The following CNGB3 variants were observed in gnomAD, a reference collection of about 807,000 sequenced individuals.
The protein encoded by CNGB3 is cyclic nucleotide gated channel subunit beta 3.
A neutral mutation model predicts 92.8 loss-of-function variants in CNGB3; 86 were observed. The observed-to-expected ratio is 0.93, with a 90% CI of 0.78 to 1.11. The LOEUF is 1.11. Among genes scored for constraint, CNGB3 ranks in the 50% least tolerant of loss-of-function variants. CNGB3 has a pLI of 0.00. For missense variants in CNGB3, 1,026 were observed against 956.8 expected (o/e 1.07, Z -0.95); for synonymous variants, 333 against 332.7 (o/e 1.00, Z -0.01).
intron 3 of CNGB3, among the ~76,000 whole-genome samples, chr8:86,698,911 C>G (rs551833067): frequency 3.3e-5 from 5 of 152,180 alleles, no homozygotes; most frequent in African/African-American, 1.2e-4. Context: ...GATCATCTGT[C>G]TCCTCCCTTC....
At chr8:86,641,460 G>C (rs1823185059) in intron 10 of CNGB3, among the ~76,000 whole-genome samples, 1 of 151,796 alleles carries the variant, frequency 6.6e-6, no homozygotes, top group East Asian at 1.9e-4. Context: ...ACCCTCTCTT[G>C]GGGTCTGGAT....
At chr8:86,597,994 ATAAAATAAAATAAAAT>A (rs1585959460) in intron 15 of CNGB3, among the ~76,000 whole-genome samples, 1 of 151,822 alleles carries the variant, frequency 6.6e-6, no homozygotes, top group African/African-American at 2.4e-5. Context: ...ATAAAATAAA[ATAAAATAAAATAAAAT>A]TAAAATAAAA....
intron 8 of CNGB3, among the ~76,000 whole-genome samples, chr8:86,646,277 G>T (rs987118778): frequency 6.6e-6 from 1 of 150,988 alleles, no homozygotes; most frequent in Non-Finnish European, 1.5e-5. Context: ...CACATTCCAT[G>T]GTCAAACCAG....
chr8:86,616,624 T>C (rs746698961), intron 13 of CNGB3, among the ~76,000 whole-genome samples: 1 of 152,172 alleles, frequency 6.6e-6, no homozygotes, highest in African/African-American at 2.4e-5. Flanking sequence ...TTTGTAAATG[T>C]CTCTTTTTTC....
rs1180640051 is a variant in CNGB3, at chr8:86,667,946, T to C, written c.643+73A>G. Reference sequence around the variant, plus strand: ...TGAAGTAAGGAAAATAGAAGCTATCTGTGACTTTGAGTCACAGGGTTTCTT... The same window carrying C: ...TGAAGTAAGGAAAATAGAAGCTATCCGTGACTTTGAGTCACAGGGTTTCTT... On this transcript the variant is annotated intron_variant, in intron 5 of 17. Transcript: ENST00000320005. The C allele has an allele frequency of 5.8e-5, 88 of 1,512,214 alleles. 1 individual carries two copies. Among genetic ancestry groups the C allele is most frequent in the Admixed American group, 3.5e-4 (21 of 59,816 alleles). 93.7% of individuals were successfully genotyped at this position (1,512,214 alleles called of 1,614,324 possible).
chr8:86,598,936 G>A (rs1470269606), intron 15 of CNGB3, among the ~76,000 whole-genome samples: 1 of 151,896 alleles, frequency 6.6e-6, no homozygotes, highest in Non-Finnish European at 1.5e-5. Flanking sequence ...ACTTATCTTT[G>A]TGGGAGACAC....
intron 6 of CNGB3, among the ~76,000 whole-genome samples, chr8:86,655,141 A>T (rs1450802415): frequency 6.6e-6 from 1 of 152,146 alleles, no homozygotes; most frequent in Non-Finnish European, 1.5e-5. Context: ...GCCCTGATAC[A>T]ACCAATAGCC....
intron 3 of CNGB3, among the ~76,000 whole-genome samples, chr8:86,718,044 G>A (rs1046341680): frequency 8.6e-5 from 13 of 152,000 alleles, no homozygotes; most frequent in African/African-American, 3.1e-4. Flanking sequence ...TAGCATTAAA[G>A]GCGTACATCA....
At chr8:86,657,877 G>A in intron 6 of CNGB3, 1 of 540,592 alleles carries the variant, frequency 1.8e-6, no homozygotes, top group Non-Finnish European at 3.7e-6. Context: ...TTTCCTGCGG[G>A]AGGACAGGGT....
At chr8:86,695,528 C>T (rs2119535) in intron 3 of CNGB3, among the ~76,000 whole-genome samples, 135,648 of 152,154 alleles carry the variant, frequency 0.89, 60,764 homozygotes, top group East Asian at 1. Context: ...CTTTTCTTTA[C>T]GATATCTATC....
Position 86,661,698 on chromosome 8 carries a change from C to G in CNGB3, c.852+5227G>C. 4 of 1,239,100 alleles carry G rather than the reference C, an allele frequency of 3.2e-6. No individual in the cohort carries two copies. The Admixed American group carries it at 5.3e-5, about 16-fold the overall frequency. 76.8% of individuals were successfully genotyped at this position (1,239,100 alleles called of 1,614,324 possible). ...TCTTCCTCTTCTTCTGAAGTCACTT[C>G]TATTTTCCCATTCTGACCCATGGGT... On this transcript the variant is annotated intron_variant, in intron 6 of 17. Transcript: ENST00000320005.
chr8:86,650,435 A>G (rs1823380829), intron 7 of CNGB3, among the ~76,000 whole-genome samples: 1 of 151,504 alleles, frequency 6.6e-6, no homozygotes, highest in African/African-American at 2.4e-5. Flanking sequence ...ACATGCACAT[A>G]TAGGTTTATT....
intron 3 of CNGB3, among the ~76,000 whole-genome samples, chr8:86,723,208 CATA>C (rs765932785): frequency 5.8e-4 from 89 of 152,182 alleles, no homozygotes; most frequent in Non-Finnish European, 1.0e-3. Flanking sequence ...TCAGTCCAGA[CATA>C]ATAATCCCTA....
In CNGB3 at chr8:86,735,051, T is replaced by G. The variant is rs1281334239; in HGVS notation, c.211+4604A>C. ...TTCTCAAATGCCGGTGGTTTTTTTT[T>G]TTTTTTTTTTTTTTTTTTTGTATGG... is the stretch of plus-strand genomic sequence containing the variant. On this transcript the variant is annotated intron_variant, in intron 2 of 17. Coordinates refer to ENST00000320005, the MANE Select transcript of CNGB3 (RefSeq NM_019098.5). 2.0e-4 allele frequency among the ~76,000 whole-genome samples: 29 copies of G among 143,386 alleles called. 1 individual carries two copies. Among genetic ancestry groups the G allele is most frequent in the Admixed American group, 1.3e-3 (18 of 14,228 alleles). The allele number at this position is 143,386 out of a possible 152,430, so 94.1% of individuals were successfully genotyped here. A position where few individuals can be genotyped will look rare whatever the true frequency, so the allele number is the denominator to read the frequency against.
intron 3 of CNGB3, among the ~76,000 whole-genome samples, chr8:86,694,592 C>A (rs1175812081): frequency 1.3e-5 from 2 of 151,116 alleles, no homozygotes; most frequent in Non-Finnish European, 2.9e-5. Context: ...ACGGGGCGGC[C>A]GGGCAGAGAC....
At chr8:86,611,252 A>G (rs1822513405) in intron 14 of CNGB3, among the ~76,000 whole-genome samples, 1 of 152,216 alleles carries the variant, frequency 6.6e-6, no homozygotes, top group South Asian at 2.1e-4. Flanking sequence ...GAAGACATAA[A>G]AAAGGCTGAA....
intron 10 of CNGB3, among the ~76,000 whole-genome samples, chr8:86,633,342 T>C (rs1490338899): frequency 6.6e-6 from 1 of 152,228 alleles, no homozygotes. Context: ...CCTTTCCACA[T>C]TATGTCCTTT....
At chr8:86,590,555 C>T (rs2131545681) in intron 15 of CNGB3, among the ~76,000 whole-genome samples, 1 of 151,298 alleles carries the variant, frequency 6.6e-6, no homozygotes, top group South Asian at 2.1e-4. Flanking sequence ...AATCTCTCAG[C>T]ATTTGCTTGT....
intron 3 of CNGB3, among the ~76,000 whole-genome samples, chr8:86,720,839 T>TACACACACACACACAC (rs4024071): frequency 7.7e-6 from 1 of 129,888 alleles, no homozygotes; most frequent in Non-Finnish European, 1.6e-5. Context: ...TATATATGTA[T>TACACACACACACACAC]ACACACACAC....
Sources: allele counts gnomAD v4.1 joint callset (sites outside exome capture counted in the v4.1 genomes callset), GRCh38; gene constraint gnomAD v4.1.1; transcripts MANE v1.5; gene names NCBI Gene and HGNC (gene_info 2026-07-23, HGNC 2026-07-21).